FAM171A1: variants seen among roughly 807,000 people sequenced by gnomAD.
FAM171A1 encodes the protein protein FAM171A1.
FAM171A1 carries 23 observed loss-of-function variants against 74.9 expected under a neutral mutation model. The observed-to-expected ratio is 0.31, with a 90% CI of 0.22 to 0.44. The LOEUF is 0.44. Ranked by LOEUF, FAM171A1 falls within the 20% of genes least tolerant of loss-of-function variation. The pLI, the probability that FAM171A1 is intolerant of heterozygous loss-of-function variation, is 1.00. For synonymous variants in FAM171A1, 527 were observed against 505.7 expected (o/e 1.04, Z -0.57); for missense variants, 1,162 against 1,159.2 (o/e 1.00, Z -0.03).
intron 1 of FAM171A1, among the ~76,000 whole-genome samples, chr10:15,325,225 G>A (rs1835537174): frequency 6.6e-6 from 1 of 152,194 alleles, no homozygotes; most frequent in South Asian, 2.1e-4. Context: ...TTGAAGGCCC[G>A]GGGCTCACAC....
chr10:15,316,977 G>T (rs572783284), intron 1 of FAM171A1, among the ~76,000 whole-genome samples: 1 of 151,872 alleles, frequency 6.6e-6, no homozygotes, highest in Non-Finnish European at 1.5e-5. Context: ...AAGGACTGAA[G>T]AGTTCACCAG....
chr10:15,324,884 C>T lies in FAM171A1; in HGVS notation c.98-40779G>A, dbSNP rs7083813. Among the ~76,000 whole-genome samples, 820 of 152,314 alleles carry T rather than the reference C, an allele frequency of 5.4e-3. 8 individuals carry two copies. Among genetic ancestry groups the T allele is most frequent in the African/African-American group, 0.018 (764 of 41,558 alleles). ...AACTTGTACTAAATAAGGACTTTTA[C>T]ACTTCCAATCACTGAGTAGAAACAT... On this transcript the variant is annotated intron_variant, in intron 1 of 7. Transcript: ENST00000378116.
chr10:15,304,710 C>A (rs1016750112), intron 1 of FAM171A1, among the ~76,000 whole-genome samples: 5 of 152,068 alleles, frequency 3.3e-5, no homozygotes, highest in African/African-American at 1.2e-4. Flanking sequence ...CTCTTCTTTT[C>A]TTTTAACTTC....
chr10:15,218,339 A>G (rs1833993689), intron 6 of FAM171A1, among the ~76,000 whole-genome samples: 1 of 152,098 alleles, frequency 6.6e-6, no homozygotes, highest in African/African-American at 2.4e-5. Flanking sequence ...TTGGCCTCCC[A>G]AAGTCCTGGG....
At chr10:15,224,227 C>T (rs949009073) in intron 5 of FAM171A1, among the ~76,000 whole-genome samples, 4 of 152,156 alleles carry the variant, frequency 2.6e-5, no homozygotes, top group African/African-American at 9.6e-5. Context: ...AGAAGGAGGA[C>T]ATTCTACCCA....
intron 1 of FAM171A1, among the ~76,000 whole-genome samples, chr10:15,292,245 G>A (rs1423337910): frequency 6.6e-6 from 1 of 152,092 alleles, no homozygotes; most frequent in Non-Finnish European, 1.5e-5. Context: ...TGGGGGTTAA[G>A]ATTTCCATAT....
At chr10:15,361,690 A>T (rs1464046307) in intron 1 of FAM171A1, among the ~76,000 whole-genome samples, 1 of 152,130 alleles carries the variant, frequency 6.6e-6, no homozygotes, top group East Asian at 1.9e-4. Flanking sequence ...CTCAAAAAAA[A>T]ATCATAAATC....
intron 3 of FAM171A1, among the ~76,000 whole-genome samples, chr10:15,263,627 T>TC (rs1834691366): frequency 6.6e-6 from 1 of 152,136 alleles, no homozygotes; most frequent in Admixed American, 6.6e-5. Flanking sequence ...TTCTGACCCT[T>TC]CCCCTCACCA....
intron 1 of FAM171A1, among the ~76,000 whole-genome samples, chr10:15,363,277 C>T (rs1023942100): frequency 1.3e-5 from 2 of 152,136 alleles, no homozygotes; most frequent in African/African-American, 4.8e-5. Flanking sequence ...TTCTGCAGGA[C>T]AGGAATGTGA....
Position 15,284,034 on chromosome 10 carries a change from A to C in FAM171A1, c.169T>G (p.Phe57Val), listed in dbSNP as rs756179145. The stretch of plus-strand genomic sequence containing the variant: ...GAGGCTATGGAGGCCTGGTTGGTGA[A>C]GATCTCGATGAGCGCATCTGCTACG... ...QPVADALIEI[F>V]TNQASIASGT... The change falls in exon 2 of 8, where the codon TTC becomes GTC. Residue 57 changes from phenylalanine to valine, a missense_variant. Phe to Val is a conservative substitution (Grantham distance 50). Transcript: ENST00000378116. 2.3e-5 allele frequency: 37 copies of C among 1,613,980 alleles called. No homozygotes were observed. Among genetic ancestry groups the C allele is most frequent in the Middle Eastern group, 1.6e-4 (1 of 6,084 alleles).
intron 3 of FAM171A1, among the ~76,000 whole-genome samples, chr10:15,261,660 A>G (rs1644838948): frequency 6.6e-6 from 1 of 152,152 alleles, no homozygotes; most frequent in Non-Finnish European, 1.5e-5. Flanking sequence ...GGTATTTGTG[A>G]ACTGTGTCTT....
intron 6 of FAM171A1, among the ~76,000 whole-genome samples, chr10:15,216,443 T>TTA (rs1053969549): frequency 1.4e-4 from 22 of 152,268 alleles, no homozygotes; most frequent in African/African-American, 5.3e-4. Flanking sequence ...AATTTTTTTT[T>TTA]TTTTTGAGAC....
intron 1 of FAM171A1, among the ~76,000 whole-genome samples, chr10:15,342,377 C>A (rs1386086143): frequency 6.6e-6 from 1 of 152,188 alleles, no homozygotes; most frequent in Non-Finnish European, 1.5e-5. Flanking sequence ...CGAGACCAGC[C>A]TGGCCAATAT....
At chr10:15,227,817 T>A (rs546791053) in intron 5 of FAM171A1, among the ~76,000 whole-genome samples, 40 of 152,340 alleles carry the variant, frequency 2.6e-4, no homozygotes, top group Middle Eastern at 3.4e-3. Context: ...GTTCACTGGG[T>A]GTAAAGCATC....
chr10:15,299,160 C>A (rs1159803061), intron 1 of FAM171A1, among the ~76,000 whole-genome samples: 1 of 152,210 alleles, frequency 6.6e-6, no homozygotes, highest in African/African-American at 2.4e-5. Context: ...CTCAGGTGAT[C>A]CGCCTGCTTC....
intron 3 of FAM171A1, among the ~76,000 whole-genome samples, chr10:15,274,696 C>A (rs1015656084): frequency 1.6e-4 from 25 of 152,088 alleles, no homozygotes; most frequent in African/African-American, 5.8e-4. Flanking sequence ...ACATATAGAC[C>A]AATGGAACAG....
At chr10:15,278,868 G>A (rs182306335) in intron 2 of FAM171A1, among the ~76,000 whole-genome samples, 3 of 152,266 alleles carry the variant, frequency 2.0e-5, no homozygotes, top group East Asian at 1.9e-4. Flanking sequence ...TGACCACTTC[G>A]TAGGTAAACT....
chr10:15,215,987 A>G lies in FAM171A1; in HGVS notation c.986+9T>C. 6.4e-7 allele frequency: 1 copy of G among 1,557,662 alleles called. No individual in the cohort carries two copies. Among genetic ancestry groups the G allele is most frequent in the Non-Finnish European group, 8.7e-7 (1 of 1,149,412 alleles). ...TAAAAAAGATATTGCCAAAATGGTAACACTTTACCTGCAATAATATAAAAG... is the reference window on the plus strand; with the variant it reads ...TAAAAAAGATATTGCCAAAATGGTAGCACTTTACCTGCAATAATATAAAAG... On this transcript the variant is annotated intron_variant, in intron 7 of 7. Coordinates refer to ENST00000378116, the MANE Select transcript of FAM171A1 (RefSeq NM_001010924.2).
At chr10:15,339,614 C>T (rs1430594174) in intron 1 of FAM171A1, among the ~76,000 whole-genome samples, 2 of 152,294 alleles carry the variant, frequency 1.3e-5, no homozygotes, top group East Asian at 3.9e-4. Flanking sequence ...GTATTCACTG[C>T]TGCTGCTCTT....
Sources: gnomAD v4.1 joint callset for allele counts (sites outside exome capture counted in the v4.1 genomes callset) on GRCh38, gnomAD v4.1.1 for gene constraint, MANE v1.5 for transcripts, NCBI Gene and HGNC (gene_info 2026-07-23, HGNC 2026-07-21) for gene names.